ECPAS: variants seen among roughly 807,000 people sequenced by gnomAD.
ECPAS encodes proteasome adapter and scaffold protein ECM29.
A neutral mutation model predicts 255.1 loss-of-function variants in ECPAS; 70 were observed. That is an observed-to-expected ratio of 0.27 (90% confidence interval 0.23 to 0.33). The LOEUF (loss-of-function observed/expected upper bound fraction) is 0.33. Among genes scored for constraint, ECPAS ranks in the 10% least tolerant of loss-of-function variants. The probability of loss-of-function intolerance (pLI) is 1.00; values close to 1 mark genes in which losing one functional copy is unlikely to be tolerated. For missense variants in ECPAS, 1,817 were observed against 2,206.4 expected (o/e 0.82, Z 3.54); for synonymous variants, 784 against 775.0 (o/e 1.01, Z -0.19).
intron 3 of ECPAS, among the ~76,000 whole-genome samples, chr9:111,450,104 C>T (rs1280530146): frequency 6.6e-6 from 1 of 152,166 alleles, no homozygotes; most frequent in African/African-American, 2.4e-5. Flanking sequence ...CTGTTTTATA[C>T]TGATTTCCCC....
intron 33 of ECPAS, 88 bp downstream of exon 33, chr9:111,385,249 A>G (rs950416864): frequency 2.8e-6 from 2 of 718,934 alleles, no homozygotes; most frequent in African/African-American, 1.8e-5. Context: ...TTATCTGGAA[A>G]TGGAATTTTG....
rs964008625 is a variant in ECPAS at position 111,462,795 on chromosome 9, T to G, written c.22+10102A>C. ...TTTCACTCTGTCACCAAGGCTGGAG[T>G]GCAGTGGTGCAATCTCGGCTCACTG... On this transcript the variant is annotated intron_variant, in intron 2 of 49. Transcript: ENST00000684092. 3.2e-4 allele frequency among the ~76,000 whole-genome samples: 47 copies of G among 144,906 alleles called. 1 individual carries two copies. In the South Asian group the frequency reaches 8.1e-3, roughly 25 times the overall value.
At chr9:111,408,968 G>A (rs568211406) in intron 23 of ECPAS, among the ~76,000 whole-genome samples, 2 of 152,268 alleles carry the variant, frequency 1.3e-5, no homozygotes, top group South Asian at 4.1e-4. Flanking sequence ...TGGGCCCAGA[G>A]GACCTAGGAC....
chr9:111,453,436 G>A (rs2098262985), intron 2 of ECPAS, among the ~76,000 whole-genome samples: 2 of 151,980 alleles, frequency 1.3e-5, no homozygotes, highest in Non-Finnish European at 2.9e-5. Flanking sequence ...AAACTGGGGG[G>A]GAAGAGGCAA....
intron 24 of ECPAS, among the ~76,000 whole-genome samples, chr9:111,399,715 T>C (rs1318147740): frequency 1.3e-5 from 2 of 151,994 alleles, no homozygotes; most frequent in African/African-American, 2.4e-5. Context: ...CCACCCACAA[T>C]AAAACAAAGG....
chr9:111,395,405 T>G (rs1408943353), intron 25 of ECPAS, among the ~76,000 whole-genome samples: 5 of 152,178 alleles, frequency 3.3e-5, no homozygotes, highest in Non-Finnish European at 5.9e-5. Flanking sequence ...AGCACTCAGA[T>G]GAGAATGACA....
At chr9:111,439,602 TTTTC>T (rs1181741363) in intron 6 of ECPAS, among the ~76,000 whole-genome samples, 4 of 152,164 alleles carry the variant, frequency 2.6e-5, no homozygotes, top group African/African-American at 7.2e-5. Context: ...CTTTTTGTTG[TTTTC>T]TTTCTTTCTT....
intron 5 of ECPAS, among the ~76,000 whole-genome samples, chr9:111,441,974 C>A (rs1589205178): frequency 6.6e-6 from 1 of 152,294 alleles, no homozygotes; most frequent in South Asian, 2.1e-4. Context: ...AACTTTATAT[C>A]TTCCAAGATA....
chr9:111,464,384 C>T (rs2098276747), intron 2 of ECPAS, among the ~76,000 whole-genome samples: 1 of 149,462 alleles, frequency 6.7e-6, no homozygotes, highest in African/African-American at 2.5e-5. Flanking sequence ...GAGTTGTGAT[C>T]GTGTCCCTGC....
chr9:111,473,779 C>G (rs983930507), intron 1 of ECPAS, among the ~76,000 whole-genome samples: 1 of 152,138 alleles, frequency 6.6e-6, no homozygotes, highest in African/African-American at 2.4e-5. Flanking sequence ...CCAGCCTGGG[C>G]AACATAGCCA....
At chr9:111,462,943 T>A (rs1313580924) in intron 2 of ECPAS, among the ~76,000 whole-genome samples, 1 of 152,136 alleles carries the variant, frequency 6.6e-6, no homozygotes, top group Non-Finnish European at 1.5e-5. Flanking sequence ...AGTTTCGCCA[T>A]GTTGGTCAGG....
chr9:111,427,726 A>G (rs964296214), intron 10 of ECPAS, among the ~76,000 whole-genome samples: 3 of 152,190 alleles, frequency 2.0e-5, no homozygotes, highest in African/African-American at 7.2e-5. Context: ...TAAAGTTTTG[A>G]CTGTTTTAAT....
intron 1 of ECPAS, among the ~76,000 whole-genome samples, chr9:111,477,507 G>A (rs185303214): frequency 1.8e-4 from 27 of 152,070 alleles, no homozygotes; most frequent in Middle Eastern, 3.4e-3. Context: ...GTTCTCTCTG[G>A]ATACTAGTTA....
In ECPAS at chr9:111,370,705, A is replaced by G. The variant is rs764568103; in HGVS notation, c.4781+17T>C. 2 of 1,607,138 alleles carry G rather than the reference A, an allele frequency of 1.2e-6. No homozygotes were observed. The highest frequency in any genetic ancestry group is 3.4e-5 in the Admixed American group (2 of 59,016). On this transcript the variant is annotated intron_variant, in intron 44 of 49. Coordinates refer to ENST00000684092, the MANE Select transcript of ECPAS (RefSeq NM_001364929.1). ...GTCCAGTTTAAGAAATGGCATCTTC[A>G]TTGAAAGAACATTTACCTGCAAGCT...
At chr9:111,454,534 C>T (rs1444040688) in intron 2 of ECPAS, among the ~76,000 whole-genome samples, 1 of 152,134 alleles carries the variant, frequency 6.6e-6, no homozygotes, top group Non-Finnish European at 1.5e-5. Flanking sequence ...CTAAAACAGG[C>T]TGGCTACACC....
Position 111,370,601 on chromosome 9 carries a change from T to A in ECPAS, c.4808A>T (p.Asn1603Ile), listed in dbSNP as rs538430585. 2.5e-6 allele frequency: 4 copies of A among 1,611,168 alleles called. No homozygotes were observed. The highest frequency in any genetic ancestry group is 3.4e-6 in the Non-Finnish European group (4 of 1,178,582). The change falls in exon 45 of 50, where the codon AAT (asparagine) becomes ATT (isoleucine). Residue 1603 changes from asparagine to isoleucine, a missense_variant. Transcript: ENST00000684092. ...AAGAATTTCATTTGTGCTGGGTTGA[T>A]TGGGCACAGACTTTTCCAGCTCTGC... ...CSAELEKSVP[N>I]QPSTNEILQA...
intron 26 of ECPAS, 115 bp from the exon 27 acceptor site, chr9:111,393,849 C>T (rs940303516): frequency 1.3e-5 from 10 of 791,098 alleles, no homozygotes; most frequent in East Asian, 2.6e-5. Flanking sequence ...CAGTTACAAT[C>T]GCTGTTTTGC....
intron 2 of ECPAS, among the ~76,000 whole-genome samples, chr9:111,470,491 T>C (rs372479313): frequency 8.7e-4 from 133 of 152,178 alleles, no homozygotes; most frequent in African/African-American, 3.0e-3. Context: ...TTTGTATTTT[T>C]AGTAGAGATG....
chr9:111,414,100 T>C, intron 19 of ECPAS, 114 bp from the exon 20 acceptor site: 1 of 658,754 alleles, frequency 1.5e-6, no homozygotes, highest in Non-Finnish European at 2.4e-6. Context: ...CTTTCGGTTC[T>C]ATTAAAAAAA....
Sources: allele counts gnomAD v4.1 joint callset (sites outside exome capture counted in the v4.1 genomes callset), GRCh38; gene constraint gnomAD v4.1.1; transcripts MANE v1.5; gene names NCBI Gene and HGNC (gene_info 2026-07-23, HGNC 2026-07-21).